SMAP2: variants seen among roughly 807,000 people sequenced by gnomAD.
SMAP2 encodes the protein small ArfGAP2.
A neutral mutation model predicts 56.4 loss-of-function variants in SMAP2; 25 were observed. That is an observed-to-expected ratio of 0.44 (90% CI 0.32 to 0.62). The LOEUF (loss-of-function observed/expected upper bound fraction) is 0.62, where lower values mean the gene tolerates loss of function less well. SMAP2 is among the 20% of genes least tolerant of loss of function. SMAP2 has a pLI of 0.04. For synonymous variants in SMAP2, 157 were observed against 181.7 expected, an observed-to-expected ratio of 0.86 and a Z score of 1.09; for missense variants, 388 against 545.6, an observed-to-expected ratio of 0.71 and a Z score of 2.88.
intron 1 of SMAP2, among the ~76,000 whole-genome samples, chr1:40,406,529 A>C (rs1327224909): frequency 1.3e-5 from 2 of 152,230 alleles, no homozygotes; most frequent in African/African-American, 4.8e-5. Context: ...AACTGTGTGA[A>C]TATATTAAAA....
At chr1:40,382,959 G>A (rs1644613348) in intron 1 of SMAP2, among the ~76,000 whole-genome samples, 3 of 152,140 alleles carry the variant, frequency 2.0e-5, no homozygotes, top group African/African-American at 7.2e-5. Context: ...TTAATTCTTA[G>A]GAAAGCTATT....
Position 40,345,966 on chromosome 1 carries a change from CTTTTTTTTTTT to C in SMAP2, c.-83+1074_-83+1084del, listed in dbSNP as rs71060369. Among the ~76,000 whole-genome samples the C allele has an allele frequency of 3.4e-4, 12 of 35,344 alleles. No homozygotes were observed. In the South Asian group the frequency reaches 7.5e-3, roughly 22 times the overall value. 23.2% of individuals were successfully genotyped at this position (35,344 alleles called of 152,430 possible). A position where few individuals can be genotyped will look rare whatever the true frequency, so the allele number is the denominator to read the frequency against. ...GTCTTCAGACCTGGTATTTCTATCA[CTTTTTTTTTTT>C]TTTTTTTTTTTTTTTTTAAGAGACA... On this transcript the variant is annotated intron_variant, in intron 1 of 6. Coordinates refer to the SMAP2 transcript ENST00000435168.
rs764601501 is a variant in SMAP2 at position 40,415,358 on chromosome 1, CCTTCTT to C, written c.663_668del (p.Ser222_Ser223del). ...AGATCTGTTGGCCTCTGTTCCATCC[CCTTCTT>C]CTTCCGGTTCCAGAAAGGTGAGTCT... On this transcript the variant is annotated inframe_deletion, in exon 7 of 10. Transcript: ENST00000372718. 1.6e-5 allele frequency: 26 copies of C among 1,612,464 alleles called. No homozygotes were observed. Among genetic ancestry groups the C allele is most frequent in the Non-Finnish European group, 2.2e-5 (26 of 1,178,630 alleles).
chr1:40,398,498 G>A (rs1031738429), intron 1 of SMAP2, among the ~76,000 whole-genome samples: 1 of 152,106 alleles, frequency 6.6e-6, no homozygotes, highest in African/African-American at 2.4e-5. Flanking sequence ...ATGAAATAGA[G>A]GCTCCAAAAT....
At chr1:40,373,284 G>T (rs1220144665), upstream of SMAP2, among the ~76,000 whole-genome samples, 1 of 152,144 alleles carries the variant, frequency 6.6e-6, no homozygotes, top group Non-Finnish European at 1.5e-5. Context: ...CTATATCCTG[G>T]GTTAGGGGCT....
chr1:40,393,169 A>C (rs994175858), intron 1 of SMAP2, among the ~76,000 whole-genome samples: 3 of 151,300 alleles, frequency 2.0e-5, no homozygotes, highest in African/African-American at 7.3e-5. Flanking sequence ...AGCTCTCAAA[A>C]ATAAAAGCTG....
chr1:40,384,018 T>C (rs1644629187), intron 1 of SMAP2, among the ~76,000 whole-genome samples: 1 of 152,134 alleles, frequency 6.6e-6, no homozygotes, highest in Non-Finnish European at 1.5e-5. Flanking sequence ...TGCCTCAGCC[T>C]TCCAAGTAGC....
chr1:40,393,824 C>T (rs940977821), intron 1 of SMAP2, among the ~76,000 whole-genome samples: 6 of 152,066 alleles, frequency 3.9e-5, no homozygotes, highest in African/African-American at 1.2e-4. Flanking sequence ...GGGATTAAGG[C>T]GTGAGGCACC....
At chr1:40,409,465 A>G (rs1013770808) in intron 3 of SMAP2, among the ~76,000 whole-genome samples, 2 of 152,262 alleles carry the variant, frequency 1.3e-5, no homozygotes, top group Non-Finnish European at 2.9e-5. Flanking sequence ...TGCTTTACCT[A>G]TATTCTAGAA....
At chr1:40,347,571 C>G (rs1167849168) in intron 1 of SMAP2, among the ~76,000 whole-genome samples, 1 of 151,992 alleles carries the variant, frequency 6.6e-6, no homozygotes, top group Non-Finnish European at 1.5e-5. Context: ...GGCACAATCT[C>G]AGCTCACTGC....
chr1:40,374,932 C>G lies in SMAP2; in HGVS notation c.103+709C>G. The G allele has an allele frequency of 1.0e-6, 1 of 985,338 alleles. No individual in the cohort carries two copies. Among genetic ancestry groups the G allele is most frequent in the Non-Finnish European group, 1.2e-6 (1 of 829,926 alleles). 61.0% of individuals were successfully genotyped at this position (985,338 alleles called of 1,614,324 possible). ...GGTGGCAGAAACTAGCCGATTATGC[C>G]TGTAGTGCAGGATCCGTTTAATCAG... On this transcript the variant is annotated intron_variant, in intron 1 of 9. Coordinates refer to ENST00000372718, the MANE Select transcript of SMAP2 (RefSeq NM_022733.3). The surrounding 1 kb of genome is among the most constrained non-coding windows in gnomAD (Gnocchi z 5.9).
intron 1 of SMAP2, among the ~76,000 whole-genome samples, chr1:40,361,263 G>C (rs1225174878): frequency 6.6e-6 from 1 of 152,114 alleles, no homozygotes; most frequent in African/African-American, 2.4e-5. Flanking sequence ...CCACTGCCTT[G>C]AAGGGAAGAA....
chr1:40,406,783 T>C lies in SMAP2; in HGVS notation c.151T>C (p.Cys51Arg), dbSNP rs753617414. ...CATTGGTGTGTTCATCTGCATTCGATGTGCTGGAATCCACAGGAATCTGGG... is the reference window on the plus strand; with the variant it reads ...CATTGGTGTGTTCATCTGCATTCGACGTGCTGGAATCCACAGGAATCTGGG... ...WNIGVFICIR[C>R]AGIHRNLGVH... is the part of the protein sequence containing the mutation. The change falls in exon 2 of 10, where the codon TGT (cysteine) becomes CGT (arginine). Residue 51 changes from cysteine (C) to arginine (R), a missense_variant. Transcript: ENST00000372718. 1 of 1,614,156 alleles carries C rather than the reference T, an allele frequency of 6.2e-7. No individual in the cohort carries two copies. The highest frequency in any genetic ancestry group is 8.5e-7 in the Non-Finnish European group (1 of 1,179,988).
chr1:40,370,695 G>A (rs1348065066), upstream of SMAP2, among the ~76,000 whole-genome samples: 1 of 114,960 alleles, frequency 8.7e-6, no homozygotes, highest in African/African-American at 3.6e-5. Flanking sequence ...ATCACACTCT[G>A]GGGACTGTGG....
intron 1 of SMAP2, among the ~76,000 whole-genome samples, chr1:40,403,983 A>C (rs1447383668): frequency 6.6e-6 from 1 of 152,224 alleles, no homozygotes; most frequent in Non-Finnish European, 1.5e-5. Flanking sequence ...CTGTAGTCCC[A>C]GCTACATGGG....
intron 1 of SMAP2, among the ~76,000 whole-genome samples, chr1:40,381,675 C>T (rs906733303): frequency 5.9e-5 from 9 of 152,092 alleles, no homozygotes; most frequent in Non-Finnish European, 8.8e-5. Context: ...TGACTTGCTT[C>T]GTGGCATTGA....
At chr1:40,380,361 T>C (rs1644585184) in intron 1 of SMAP2, among the ~76,000 whole-genome samples, 1 of 152,188 alleles carries the variant, frequency 6.6e-6, no homozygotes, top group Non-Finnish European at 1.5e-5. Flanking sequence ...GGGAATTTCT[T>C]TGTGTAGAAA....
Position 40,374,371 on chromosome 1 carries a change from C to T in SMAP2, c.103+148C>T. On this transcript the variant is annotated intron_variant, in intron 1 of 9. Transcript: ENST00000372718. The surrounding 1 kb of genome is among the most constrained non-coding windows in gnomAD (Gnocchi z 5.9). ...CTGCGCTTGCAGTGAGCCTACTGGGCTTTCTGCAGCTGGGGGATTGGTATG... is the reference window on the plus strand; with the variant it reads ...CTGCGCTTGCAGTGAGCCTACTGGGTTTTCTGCAGCTGGGGGATTGGTATG... 1.4e-6 allele frequency: 1 copy of T among 730,236 alleles called. No individual in the cohort carries two copies. Among genetic ancestry groups the T allele is most frequent in the South Asian group, 1.7e-5 (1 of 59,214 alleles). 45.2% of individuals were successfully genotyped at this position (730,236 alleles called of 1,614,324 possible). A position where few individuals can be genotyped will look rare whatever the true frequency, so the allele number is the denominator to read the frequency against.
In SMAP2 at chr1:40,406,971, A is replaced by T; in HGVS notation, c.237+102A>T. ...TGGCACAAAGGTGAAGATAAAGGAAAATTTAGTTGTTAAACACTTAACATC... is the reference window on the plus strand; with the variant it reads ...TGGCACAAAGGTGAAGATAAAGGAATATTTAGTTGTTAAACACTTAACATC... On this transcript the variant is annotated intron_variant, in intron 2 of 9. Transcript: ENST00000372718. 2.3e-6 allele frequency: 3 copies of T among 1,310,440 alleles called. No individual in the cohort carries two copies. In the South Asian group the frequency reaches 4.6e-5, roughly 20 times the overall value. 81.2% of individuals were successfully genotyped at this position (1,310,440 alleles called of 1,614,324 possible). A position where few individuals can be genotyped will look rare whatever the true frequency, so the allele number is the denominator to read the frequency against.
Sources: gnomAD v4.1 joint callset for allele counts (sites outside exome capture counted in the v4.1 genomes callset) on GRCh38, gnomAD v4.1.1 for gene constraint, Gnocchi (gnomAD v3.1) non-coding constraint, MANE v1.5 for transcripts, NCBI Gene and HGNC (gene_info 2026-07-23, HGNC 2026-07-21) for gene names.